Variants in XYLT1 observed in about 807,000 individuals in gnomAD.
XYLT1 encodes xylosyltransferase 1.
Under a neutral mutation model 91.3 loss-of-function variants are expected in XYLT1, and 36 were observed. The observed-to-expected ratio is 0.39, with a 90% CI of 0.30 to 0.52. XYLT1 has a LOEUF of 0.52. XYLT1 is among the 20% of genes least tolerant of loss of function. The pLI, the probability that XYLT1 is intolerant of heterozygous loss-of-function variation, is 0.68. For missense variants in XYLT1, 1,242 were observed against 1,284.5 expected, an observed-to-expected ratio of 0.97 and a Z score of 0.51; for synonymous variants, 588 against 532.0, an observed-to-expected ratio of 1.11 and a Z score of -1.45.
chr16:17,403,933 G>A (rs2035997512), intron 1 of XYLT1, among the ~76,000 whole-genome samples: 1 of 152,234 alleles, frequency 6.6e-6, no homozygotes, highest in Admixed American at 6.5e-5. Context: ...GGAGCCAGAG[G>A]TCAGGCCAGG....
At chr16:17,468,332 T>C (rs1029403819) in intron 1 of XYLT1, among the ~76,000 whole-genome samples, 1 of 150,962 alleles carries the variant, frequency 6.6e-6, no homozygotes, top group Non-Finnish European at 1.5e-5. Flanking sequence ...GTCAACAGCA[T>C]GGTAGACAGC....
chr16:17,391,989 C>A (rs1178981219), intron 1 of XYLT1, among the ~76,000 whole-genome samples: 3 of 152,198 alleles, frequency 2.0e-5, no homozygotes, highest in Non-Finnish European at 4.4e-5. Context: ...GTCAGTTAAA[C>A]CTCTTTCATT....
chr16:17,376,328 G>A (rs1237805582), intron 1 of XYLT1, among the ~76,000 whole-genome samples: 1 of 152,150 alleles, frequency 6.6e-6, no homozygotes, highest in Non-Finnish European at 1.5e-5. Flanking sequence ...TATAGTATGG[G>A]GCTGAGAAAC....
chr16:17,195,473 G>A (rs1243204997), intron 5 of XYLT1, among the ~76,000 whole-genome samples: 2 of 151,520 alleles, frequency 1.3e-5, no homozygotes, highest in African/African-American at 4.9e-5. Flanking sequence ...TTGAGATAGA[G>A]TCTTGCTGTG....
chr16:17,335,263 T>C (rs531320680), intron 2 of XYLT1, among the ~76,000 whole-genome samples: 4 of 151,350 alleles, frequency 2.6e-5, no homozygotes, highest in Non-Finnish European at 5.9e-5. Context: ...AACTACCTAC[T>C]GGCCACCTGG....
intron 2 of XYLT1, among the ~76,000 whole-genome samples, chr16:17,344,890 G>A (rs1205061808): frequency 9.9e-5 from 15 of 151,882 alleles, no homozygotes; most frequent in South Asian, 2.1e-4. Context: ...TAGTAGAGAC[G>A]GTGTTTCACC....
intron 1 of XYLT1, among the ~76,000 whole-genome samples, chr16:17,441,689 C>T (rs1056853026): frequency 6.6e-6 from 1 of 152,080 alleles, no homozygotes; most frequent in South Asian, 2.1e-4. Flanking sequence ...AAGTAGCAAT[C>T]GCAAGAACAG....
chr16:17,148,426 C>T (rs1242109504), intron 6 of XYLT1, among the ~76,000 whole-genome samples: 1 of 152,174 alleles, frequency 6.6e-6, no homozygotes, highest in Non-Finnish European at 1.5e-5. Context: ...TGCAAGATGG[C>T]AGAGATTTTT....
intron 1 of XYLT1, among the ~76,000 whole-genome samples, chr16:17,382,376 C>G (rs571862287): frequency 6.6e-6 from 1 of 151,982 alleles, no homozygotes; most frequent in East Asian, 2.0e-4. Context: ...TGTACTGACC[C>G]CAGTGGAACT....
chr16:17,398,818 G>GCCCCC (rs71230739), intron 1 of XYLT1, among the ~76,000 whole-genome samples: 2,689 of 84,302 alleles, frequency 0.032, 109 homozygotes, highest in Non-Finnish European at 0.043. Flanking sequence ...AAATGTCCCC[G>GCCCCC]CCCCCCCCCA....
rs556772311 is a variant in XYLT1 at position 17,416,868 on chromosome 16, G to C, written c.363+53566C>G. ...GGGGAGAGGAGGAAGCCATGCAAAT[G>C]AGCACGGACAGCCAGCAGAGACGTT... On this transcript the variant is annotated intron_variant, in intron 1 of 11. Coordinates refer to ENST00000261381, the MANE Select transcript of XYLT1 (RefSeq NM_022166.4). Among the ~76,000 whole-genome samples, 81 of 152,328 alleles carry C rather than the reference G, an allele frequency of 5.3e-4. 1 individual carries two copies. The highest frequency in any genetic ancestry group is 1.1e-3 in the Non-Finnish European group (72 of 68,026).
At chr16:17,469,420 C>T (rs919550811) in intron 1 of XYLT1, among the ~76,000 whole-genome samples, 5 of 152,216 alleles carry the variant, frequency 3.3e-5, no homozygotes, top group Non-Finnish European at 5.9e-5. Context: ...AGAACTGAGA[C>T]CTTGGCTCTG....
intron 11 of XYLT1, 134 bp downstream of exon 11, chr16:17,117,512 T>C: frequency 1.1e-6 from 1 of 910,316 alleles, no homozygotes; most frequent in South Asian, 1.8e-5. Flanking sequence ...GAGAAAAGTA[T>C]TGAGAGCAAG....
chr16:17,435,328 C>T (rs139290741), intron 1 of XYLT1, among the ~76,000 whole-genome samples: 159 of 152,288 alleles, frequency 1.0e-3, no homozygotes, highest in African/African-American at 3.6e-3. Flanking sequence ...CAGAGCCCCA[C>T]ATAAAGCTAA....
chr16:17,350,686 CA>C (rs578139191), intron 2 of XYLT1, among the ~76,000 whole-genome samples: 230 of 151,194 alleles, frequency 1.5e-3, no homozygotes, highest in African/African-American at 5.3e-3. Flanking sequence ...ACCATCCTCT[CA>C]ACAGATGCTG....
At chr16:17,133,236 C>T (rs1039943546) in intron 9 of XYLT1, among the ~76,000 whole-genome samples, 1 of 152,018 alleles carries the variant, frequency 6.6e-6, no homozygotes, top group Non-Finnish European at 1.5e-5. Context: ...GGGAAACCTG[C>T]CTGTGTTTTC....
intron 3 of XYLT1, among the ~76,000 whole-genome samples, chr16:17,207,107 G>C (rs934122983): frequency 5.5e-5 from 8 of 145,510 alleles, no homozygotes; most frequent in African/African-American, 2.1e-4. Context: ...ACCTAGGCTG[G>C]AGTGCAATGG....
At chr16:17,368,747 G>C (rs1405554273) in intron 1 of XYLT1, among the ~76,000 whole-genome samples, 2 of 151,888 alleles carry the variant, frequency 1.3e-5, no homozygotes, top group Admixed American at 6.6e-5. Flanking sequence ...ACCACGCCTG[G>C]CTAATATTTC....
At chr16:17,244,639 G>A (rs2033405438) in intron 3 of XYLT1, among the ~76,000 whole-genome samples, 1 of 152,178 alleles carries the variant, frequency 6.6e-6, no homozygotes, top group Non-Finnish European at 1.5e-5. Context: ...ATGTCCTGGG[G>A]CATCCGTTGT....
Sources: allele counts gnomAD v4.1 joint callset (sites outside exome capture counted in the v4.1 genomes callset), GRCh38; gene constraint gnomAD v4.1.1; transcripts MANE v1.5; gene names NCBI Gene and HGNC (gene_info 2026-07-23, HGNC 2026-07-21).